OXNAD1: variants seen among roughly 807,000 people sequenced by gnomAD.
OXNAD1 encodes the protein oxidoreductase NAD-binding domain-containing protein 1.
In OXNAD1, 34 loss-of-function variants were observed where a neutral mutation model predicts 32.9. The ratio of observed to expected loss-of-function variants is 1.03; its 90% CI spans 0.79 to 1.38. OXNAD1 has a LOEUF of 1.38. Among genes scored for constraint, OXNAD1 ranks in the 40% most tolerant of loss-of-function variants. The probability of loss-of-function intolerance (pLI) is 0.00; values close to 1 mark genes in which losing one functional copy is unlikely to be tolerated. For missense variants in OXNAD1, 407 were observed against 379.4 expected, an observed-to-expected ratio of 1.07 and a Z score of -0.60; for synonymous variants, 134 against 135.2, an observed-to-expected ratio of 0.99 and a Z score of 0.06.
downstream of OXNAD1, among the ~76,000 whole-genome samples, chr3:16,307,141 C>CTATGAGTTGGTGCCTTA (rs1204793056): frequency 1.3e-5 from 2 of 152,232 alleles, no homozygotes; most frequent in African/African-American, 2.4e-5. Flanking sequence ...AGTTAGCATA[C>CTATGAGTTGGTGCCTTA]TATGAGTTGG....
At chr3:16,307,092 A>G (rs764012754), downstream of OXNAD1, among the ~76,000 whole-genome samples, 3 of 152,252 alleles carry the variant, frequency 2.0e-5, no homozygotes, top group Non-Finnish European at 4.4e-5. Flanking sequence ...GAGTCTGTAA[A>G]GAAATGGCAG....
downstream of OXNAD1, among the ~76,000 whole-genome samples, chr3:16,309,920 T>G (rs1299488612): frequency 6.6e-6 from 1 of 152,240 alleles, no homozygotes; most frequent in Non-Finnish European, 1.5e-5. Flanking sequence ...CTAAGGAGTA[T>G]CTTAACTCTC....
chr3:16,318,528 A>G (rs1385010220), intron 9 of OXNAD1, among the ~76,000 whole-genome samples: 3 of 152,190 alleles, frequency 2.0e-5, no homozygotes, highest in Non-Finnish European at 4.4e-5. Context: ...AAAATCTGCC[A>G]TTTTTGTAGT....
chr3:16,298,020 A>G lies in OXNAD1; in HGVS notation c.432+3023A>G, dbSNP rs2066920234. On this transcript the variant is annotated intron_variant, in intron 6 of 8. Transcript: ENST00000285083. This position sits in a 1 kb window ranked among gnomAD's most constrained non-coding sequence, Gnocchi z 5.1. ...TAAAAATGTGCAGGAGCAACATAAT[A>G]TATTCTTGTGGTTTACACGTCAAGT... 6.6e-6 allele frequency among the ~76,000 whole-genome samples: 1 copy of G among 152,212 alleles called. No individual in the cohort carries two copies. The highest frequency in any genetic ancestry group is 6.5e-5 in the Admixed American group (1 of 15,284).
rs1553726204 is a variant in OXNAD1 at position 16,345,829 on chromosome 3, TGCGC to T, written c.*31-3344_*31-3341del. 2.9e-5 allele frequency among the ~76,000 whole-genome samples: 2 copies of T among 69,826 alleles called. No individual in the cohort carries two copies. The highest frequency in any genetic ancestry group is 6.1e-5 in the Non-Finnish European group (2 of 32,524). The allele number at this position is 69,826 out of a possible 152,430, so 45.8% of individuals were successfully genotyped here. On this transcript the variant is annotated intron_variant, in intron 9 of 9. Coordinates refer to the OXNAD1 transcript ENST00000606098. The surrounding 1 kb of genome is among the most constrained non-coding windows in gnomAD (Gnocchi z 5.2). Reference sequence around the variant, plus strand: ...GTGTGTGTGTGTGTGCGCGCGCGCGTGCGCGCACGCGCACATGTGCATGTGTATG... The same window carrying T: ...GTGTGTGTGTGTGTGCGCGCGCGCGTGCACGCGCACATGTGCATGTGTATG...
At position 16,335,773 on chromosome 3, in the gene OXNAD1, C is replaced by CT. The variant is rs2070782516; in HGVS notation, c.*31-1336dup. Among the ~76,000 whole-genome samples the CT allele has an allele frequency of 8.3e-6, 1 of 121,076 alleles. No individual in the cohort carries two copies. The highest frequency in any genetic ancestry group is 3.7e-5 in the African/African-American group (1 of 27,036). 79.4% of individuals were successfully genotyped at this position (121,076 alleles called of 152,430 possible). ...CATATCCTGCACTTGCACCCTGGAA[C>CT]TTTAAAAAAAAAAAAAAAAAAAGGA... On this transcript the variant is annotated intron_variant, in intron 9 of 9. Transcript: ENST00000435829. This position sits in a 1 kb window ranked among gnomAD's most constrained non-coding sequence, Gnocchi z 4.7.
Position 16,345,525 on chromosome 3 carries a change from C to T in OXNAD1, c.*31-3651C>T, listed in dbSNP as rs2071596639. Among the ~76,000 whole-genome samples the T allele has an allele frequency of 6.6e-6, 1 of 152,092 alleles. No individual in the cohort carries two copies. The highest frequency in any genetic ancestry group is 2.4e-5 in the African/African-American group (1 of 41,408). On this transcript the variant is annotated intron_variant, in intron 9 of 9. Transcript: ENST00000606098. This position sits in a 1 kb window ranked among gnomAD's most constrained non-coding sequence, Gnocchi z 5.2. The stretch of plus-strand genomic sequence containing the variant: ...CCAGTGTGGGTGGACACCATCCAGT[C>T]ATTGAGGACCTGAACAGAACAAAGG...
At chr3:16,307,637 TTTACTA>T (rs1430857156), downstream of OXNAD1, among the ~76,000 whole-genome samples, 8 of 152,014 alleles carry the variant, frequency 5.3e-5, no homozygotes, top group African/African-American at 1.9e-4. Flanking sequence ...TTTAAAGAAA[TTTACTA>T]TAAAGAGAAG....
At chr3:16,300,977 G>A (rs1468204873) in intron 6 of OXNAD1, among the ~76,000 whole-genome samples, 2 of 152,126 alleles carry the variant, frequency 1.3e-5, no homozygotes, top group Non-Finnish European at 2.9e-5. Flanking sequence ...TGGTATTACG[G>A]GCATAAGTGA....
At chr3:16,308,207 A>G (rs2067705411), downstream of OXNAD1, among the ~76,000 whole-genome samples, 2 of 152,238 alleles carry the variant, frequency 1.3e-5, no homozygotes, top group African/African-American at 4.8e-5. The surrounding 1 kb of genome is among the most constrained non-coding windows in gnomAD (Gnocchi z 4.4). Flanking sequence ...GACAAAATTG[A>G]AAGTGGAAAT....
chr3:16,332,913 G>A (rs1031299609), intron 9 of OXNAD1, among the ~76,000 whole-genome samples: 6 of 152,158 alleles, frequency 3.9e-5, no homozygotes, highest in Non-Finnish European at 8.8e-5. Flanking sequence ...TGTGAACAGT[G>A]CATTAGTGAC....
intron 1 of OXNAD1, among the ~76,000 whole-genome samples, chr3:16,266,191 A>G (rs2064485050): frequency 6.6e-6 from 1 of 152,198 alleles, no homozygotes; most frequent in Admixed American, 6.5e-5. Context: ...ATTGGAGTAG[A>G]GATGATATAA....
At position 16,294,974 on chromosome 3, in the gene OXNAD1, C is replaced by T. The variant is rs1306522581; in HGVS notation, c.409C>T (p.Pro137Ser). 1.2e-6 allele frequency: 2 copies of T among 1,612,766 alleles called. No homozygotes were observed. The highest frequency in any genetic ancestry group is 1.3e-5 in the African/African-American group (1 of 74,800). ...ELAVKYTNHP[P>S]ALWVHNTCTL... ...GGCAGTGAAATATACGAACCACCCT[C>T]CTGCCCTCTGGGTTCACAATACGGT... The change falls in exon 6 of 9, where the codon CCT becomes TCT. Residue 137 changes from proline (P) to serine (S), a missense_variant. Coordinates refer to ENST00000285083, the MANE Select transcript of OXNAD1 (RefSeq NM_138381.5).
At chr3:16,315,146 T>C (rs1246910299) in intron 9 of OXNAD1, among the ~76,000 whole-genome samples, 1 of 152,204 alleles carries the variant, frequency 6.6e-6, no homozygotes, top group South Asian at 2.1e-4. Context: ...AGATGGAGTC[T>C]TGCTCTGTGC....
Position 16,348,363 on chromosome 3 carries a change from TA to T in OXNAD1, c.*31-804del, listed in dbSNP as rs34394480. Among the ~76,000 whole-genome samples, 2 of 151,456 alleles carry T rather than the reference TA, an allele frequency of 1.3e-5. No homozygotes were observed. The highest frequency in any genetic ancestry group is 2.9e-5 in the Non-Finnish European group (2 of 67,874). On this transcript the variant is annotated intron_variant, in intron 9 of 9. Transcript: ENST00000606098. The surrounding 1 kb of genome is among the most constrained non-coding windows in gnomAD (Gnocchi z 6.3). ...CATTATCCAATATGTGTTCTAATTA[TA>T]AAAAAAAATTAATAGATGTGCCTTC...
chr3:16,296,751 T>C (rs1046301408), intron 6 of OXNAD1, among the ~76,000 whole-genome samples: 2 of 152,106 alleles, frequency 1.3e-5, no homozygotes, highest in Non-Finnish European at 2.9e-5. Flanking sequence ...CAACAAAAGT[T>C]CTGGAACAAT....
At chr3:16,333,999 A>G (rs965969983) in intron 9 of OXNAD1, among the ~76,000 whole-genome samples, 4 of 152,142 alleles carry the variant, frequency 2.6e-5, no homozygotes, top group African/African-American at 9.7e-5. Flanking sequence ...CCCCGTCTCT[A>G]CTAAAAATTT....
chr3:16,332,087 T>C (rs1166497604), intron 9 of OXNAD1, among the ~76,000 whole-genome samples: 1 of 152,226 alleles, frequency 6.6e-6, no homozygotes, highest in Non-Finnish European at 1.5e-5. Flanking sequence ...CAATGTGCTT[T>C]GGTGTGGGTC....
chr3:16,330,602 T>C (rs1328842336), intron 9 of OXNAD1, among the ~76,000 whole-genome samples: 1 of 152,226 alleles, frequency 6.6e-6, no homozygotes, highest in Non-Finnish European at 1.5e-5. Flanking sequence ...CTCTCCACTC[T>C]CCTGTGGTGG....
Sources: gnomAD v4.1 joint callset for allele counts (sites outside exome capture counted in the v4.1 genomes callset) on GRCh38, gnomAD v4.1.1 for gene constraint, Gnocchi (gnomAD v3.1) non-coding constraint, MANE v1.5 for transcripts, NCBI Gene and HGNC (gene_info 2026-07-23, HGNC 2026-07-21) for gene names.